Variants in CLPX observed in about 807,000 individuals in gnomAD.
CLPX encodes the protein ATP-dependent clpX-like chaperone, mitochondrial.
CLPX carries 34 observed loss-of-function variants against 76.4 expected under a neutral mutation model. That is an observed-to-expected ratio of 0.45 (90% CI 0.34 to 0.59). The LOEUF (loss-of-function observed/expected upper bound fraction) is 0.59, where lower values mean the gene tolerates loss of function less well. Among genes scored for constraint, CLPX ranks in the 20% least tolerant of loss-of-function variants. The probability of loss-of-function intolerance (pLI) is 0.01; values close to 1 mark genes in which losing one functional copy is unlikely to be tolerated. For missense variants in CLPX, 613 were observed against 757.0 expected (o/e 0.81, Z 2.23); for synonymous variants, 248 against 270.9 (o/e 0.92, Z 0.83).
intron 3 of CLPX, among the ~76,000 whole-genome samples, chr15:65,172,144 G>C (rs773438281): frequency 6.6e-6 from 1 of 152,000 alleles, no homozygotes; most frequent in Non-Finnish European, 1.5e-5. Context: ...TGTATTTTTA[G>C]TAGAGATGGG....
intron 3 of CLPX, among the ~76,000 whole-genome samples, chr15:65,169,728 T>C (rs1190530708): frequency 6.6e-6 from 1 of 151,856 alleles, no homozygotes; most frequent in Non-Finnish European, 1.5e-5. Flanking sequence ...CAACACATGG[T>C]TATAGGATGT....
chr15:65,160,028 G>A (rs886580015), intron 6 of CLPX, among the ~76,000 whole-genome samples: 1 of 152,052 alleles, frequency 6.6e-6, no homozygotes, highest in African/African-American at 2.4e-5. Flanking sequence ...GCCCAGGCTG[G>A]TCTTGAACTG....
chr15:65,181,366 A>T (rs1171246799), intron 1 of CLPX, among the ~76,000 whole-genome samples: 1 of 152,158 alleles, frequency 6.6e-6, no homozygotes, highest in African/African-American at 2.4e-5. Flanking sequence ...GATGATGGCA[A>T]TGGTTGCACA....
At chr15:65,180,276 G>T in intron 1 of CLPX, 72 bp from the exon 2 acceptor site, 4 of 1,139,326 alleles carry the variant, frequency 3.5e-6, no homozygotes, top group South Asian at 1.7e-5. Flanking sequence ...AAAATTCCTT[G>T]AGCATAAAGG....
intron 12 of CLPX, among the ~76,000 whole-genome samples, chr15:65,152,984 G>A (rs1157554616): frequency 1.3e-5 from 2 of 151,808 alleles, no homozygotes; most frequent in Non-Finnish European, 2.9e-5. Context: ...CTGGGCTCAA[G>A]CAATCCTCCT....
At chr15:65,160,002 G>A (rs755671629) in intron 6 of CLPX, among the ~76,000 whole-genome samples, 36 of 151,854 alleles carry the variant, frequency 2.4e-4, no homozygotes, top group Non-Finnish European at 4.1e-4. Flanking sequence ...TAGTAGAGAC[G>A]GGGTTTTGCC....
chr15:65,164,068 G>T lies in CLPX; in HGVS notation c.634C>A (p.Gln212Lys), dbSNP rs2087881799. The change falls in exon 5 of 14, where the codon CAA becomes AAA. Residue 212 changes from glutamine (Q) to lysine (K), a missense_variant. Gln to Lys is a moderately conservative substitution (Grantham distance 53, BLOSUM62 1). This residue lies in a region of CLPX where 450 missense variants were observed against 638.6 expected (regional missense o/e 0.70). Transcript: ENST00000300107. ...YNNIPANLRQ[Q>K]AEVEKQTSLT... ...GATGTCTGCTTCTCAACCTCTGCTTGCTGTCTCAGATTAGCTGGGATATTA... is the reference window on the plus strand; with the variant it reads ...GATGTCTGCTTCTCAACCTCTGCTTTCTGTCTCAGATTAGCTGGGATATTA... 19 of 1,613,364 alleles carry T rather than the reference G, an allele frequency of 1.2e-5. No homozygotes were observed. The highest frequency in any genetic ancestry group is 1.4e-5 in the Non-Finnish European group (16 of 1,179,724).
chr15:65,151,993 G>A (rs202151874), intron 13 of CLPX, among the ~76,000 whole-genome samples: 6 of 152,026 alleles, frequency 3.9e-5, no homozygotes, highest in Non-Finnish European at 7.4e-5. Flanking sequence ...GCAGTGGTGC[G>A]ATCTTGGCTC....
chr15:65,185,026 A>ACC lies in CLPX; in HGVS notation c.79+47_79+48dup, dbSNP rs573023416. ...GGGGCCCCCAACCATTGGCCAGTCC[A>ACC]CCCCCCCCCCGACAGGCTGAGGGCT... is the stretch of plus-strand genomic sequence containing the variant. On this transcript the variant is annotated intron_variant, in intron 1 of 13. Coordinates refer to ENST00000300107, the MANE Select transcript of CLPX (RefSeq NM_006660.5). 2.6e-3 allele frequency: 3,147 copies of ACC among 1,195,596 alleles called. 3 individuals are homozygous for ACC. The highest frequency in any genetic ancestry group is 4.7e-3 in the Middle Eastern group (21 of 4,442). 74.1% of individuals were successfully genotyped at this position (1,195,596 alleles called of 1,614,324 possible).
intron 3 of CLPX, among the ~76,000 whole-genome samples, chr15:65,171,408 C>T (rs1464429445): frequency 6.6e-6 from 1 of 151,386 alleles, no homozygotes; most frequent in African/African-American, 2.4e-5. Flanking sequence ...GATCACACCA[C>T]TGCACTTCAG....
At chr15:65,170,824 T>G (rs2140637696) in intron 3 of CLPX, among the ~76,000 whole-genome samples, 1 of 138,468 alleles carries the variant, frequency 7.2e-6, no homozygotes, top group Middle Eastern at 3.8e-3. Flanking sequence ...CTGTTCTTCT[T>G]TTTTTTTTTT....
intron 3 of CLPX, among the ~76,000 whole-genome samples, chr15:65,167,705 G>A (rs1248400478): frequency 7.4e-5 from 11 of 148,074 alleles, no homozygotes; most frequent in Non-Finnish European, 1.5e-5. Flanking sequence ...ATGAAACCCC[G>A]TCTCTACTAA....
chr15:65,158,096 G>A, intron 7 of CLPX, 186 bp from the exon 8 acceptor site: 1 of 499,466 alleles, frequency 2.0e-6, no homozygotes, highest in East Asian at 3.6e-5. Context: ...TGCAGCCTGT[G>A]ATCATGGCTC....
Position 65,185,159 on chromosome 15 carries a change from C to T in CLPX, c.-6G>A, listed in dbSNP as rs368744205. On this transcript the variant is annotated 5_prime_UTR_variant, in exon 1 of 14. Coordinates refer to ENST00000300107, the MANE Select transcript of CLPX (RefSeq NM_006660.5). ...CAAGCACCGCAGCTGGGCATCTCCG[C>T]GAGGCCTAGGCCGGGGCTTCGCCCC... 4 of 1,560,992 alleles carry T rather than the reference C, an allele frequency of 2.6e-6. No individual in the cohort carries two copies. The highest frequency in any genetic ancestry group is 3.5e-6 in the Non-Finnish European group (4 of 1,152,334).
intron 5 of CLPX, among the ~76,000 whole-genome samples, chr15:65,163,543 A>G (rs991220633): frequency 1.3e-5 from 2 of 152,220 alleles, no homozygotes; most frequent in Non-Finnish European, 2.9e-5. Flanking sequence ...TACTCTATGC[A>G]TAATTGTTTT....
chr15:65,154,785 A>G lies in CLPX; in HGVS notation c.1608T>C (p.Asp536=). ...GTACAAAAAATAAAAATCTAACCTT[A>G]TCCATGCTGAATAAGGCCTGGTACT... The part of the protein sequence containing the change: ...IPQYQALFSM[D]KCELNVTEDA... Residue 536 remains aspartate, a synonymous_variant, in exon 11 of 14, where the codon GAT becomes GAC. Coordinates refer to ENST00000300107, the MANE Select transcript of CLPX (RefSeq NM_006660.5). 1.3e-6 allele frequency: 2 copies of G among 1,599,048 alleles called. No individual in the cohort carries two copies. Among genetic ancestry groups the G allele is most frequent in the Admixed American group, 3.4e-5 (2 of 59,458 alleles).
intron 2 of CLPX, 103 bp from the exon 3 acceptor site, chr15:65,179,154 T>C: frequency 1.6e-6 from 1 of 613,006 alleles, no homozygotes; most frequent in East Asian, 2.9e-5. Flanking sequence ...TATAATCTTC[T>C]ATATTTCTAG....
At chr15:65,166,428 A>G (rs1356615623) in intron 4 of CLPX, among the ~76,000 whole-genome samples, 1 of 152,246 alleles carries the variant, frequency 6.6e-6, no homozygotes, top group African/African-American at 2.4e-5. Flanking sequence ...CACTGAATAC[A>G]GTAATCATAA....
At chr15:65,166,839 G>C in intron 3 of CLPX, 54 bp from the exon 4 acceptor site, 2 of 1,531,274 alleles carry the variant, frequency 1.3e-6, no homozygotes, top group Non-Finnish European at 1.8e-6. Flanking sequence ...TTCCAATAGT[G>C]TTTAACCTTA....
Sources: gnomAD v4.1 joint callset for allele counts (sites outside exome capture counted in the v4.1 genomes callset) on GRCh38, gnomAD v4.1.1 for gene constraint, gnomAD v4.1.1 regional missense constraint, MANE v1.5 for transcripts, NCBI Gene and HGNC (gene_info 2026-07-23, HGNC 2026-07-21) for gene names.